The following SS18L2 variants were observed in gnomAD, a reference collection of about 807,000 sequenced individuals.
SS18L2 encodes SS18-like protein 2.
In SS18L2, 8 loss-of-function variants were observed where a neutral mutation model predicts 10.3. The observed-to-expected ratio is 0.78, with a 90% CI of 0.46 to 1.41. The LOEUF is 1.41. SS18L2 is among the 40% of genes most tolerant of loss of function. The pLI, the probability that SS18L2 is intolerant of heterozygous loss-of-function variation, is 0.00. For synonymous variants in SS18L2, 41 were observed against 34.6 expected (o/e 1.19, Z -0.65); for missense variants, 100 against 96.2 (o/e 1.04, Z -0.17).
chr3:42,585,310 C>T (rs1306340699), intron 1 of SS18L2, among the ~76,000 whole-genome samples: 24 of 152,158 alleles, frequency 1.6e-4, no homozygotes, highest in Admixed American at 1.4e-3. Context: ...AGTCCTAGCT[C>T]TCATCTCCAA....
At chr3:42,594,363 T>C in intron 2 of SS18L2, 59 bp from the exon 3 acceptor site, 1 of 1,385,674 alleles carries the variant, frequency 7.2e-7, no homozygotes, top group Non-Finnish European at 1.0e-6. Flanking sequence ...ATTTTCCAGT[T>C]TTTTGTTCAT....
chr3:42,592,976 G>T (rs1244978651), intron 2 of SS18L2, among the ~76,000 whole-genome samples: 2 of 152,072 alleles, frequency 1.3e-5, no homozygotes, highest in African/African-American at 4.8e-5. Context: ...CATGGGTTCT[G>T]CATTGCATTT....
chr3:42,586,886 C>T (rs1704629877), upstream of SS18L2, among the ~76,000 whole-genome samples: 2 of 152,174 alleles, frequency 1.3e-5, no homozygotes, highest in South Asian at 4.1e-4. Flanking sequence ...AATATATCAC[C>T]TTCATTTCCA....
chr3:42,591,015 C>T (rs1280984248), intron 1 of SS18L2, 49 bp downstream of exon 1: 3 of 1,547,832 alleles, frequency 1.9e-6, no homozygotes, highest in Non-Finnish European at 2.6e-6. Context: ...GTCGGGATCC[C>T]GAGGGGCTGC....
intron 2 of SS18L2, among the ~76,000 whole-genome samples, chr3:42,593,310 G>C (rs1376066156): frequency 6.6e-6 from 1 of 152,132 alleles, no homozygotes; most frequent in Non-Finnish European, 1.5e-5. Context: ...CCAGCTACTT[G>C]GGAGGCCGAG....
chr3:42,582,361 G>A (rs1482875248), intron 1 of SS18L2: 2 of 152,376 alleles, frequency 1.3e-5, no homozygotes. Flanking sequence ...TGCGGTCCGC[G>A]CGGCTGGGCG....
chr3:42,585,672 A>G (rs1704586693), intron 1 of SS18L2, among the ~76,000 whole-genome samples: 1 of 152,176 alleles, frequency 6.6e-6, no homozygotes, highest in African/African-American at 2.4e-5. Flanking sequence ...TCTTTCTGGC[A>G]TAACTAGAAG....
intron 1 of SS18L2, among the ~76,000 whole-genome samples, chr3:42,585,262 T>C (rs1704573278): frequency 6.6e-6 from 1 of 152,208 alleles, no homozygotes; most frequent in Non-Finnish European, 1.5e-5. Context: ...TCAGGCACCA[T>C]GGTAGATTGG....
chr3:42,588,219 T>C (rs181889376), upstream of SS18L2, among the ~76,000 whole-genome samples: 951 of 151,706 alleles, frequency 6.3e-3, 4 homozygotes, highest in Non-Finnish European at 9.0e-3. Context: ...CTGGCCAACA[T>C]AGAGAAACCC....
chr3:42,590,484 G>A (rs555955121), upstream of SS18L2, among the ~76,000 whole-genome samples: 4 of 152,140 alleles, frequency 2.6e-5, no homozygotes, highest in Non-Finnish European at 5.9e-5. Context: ...AAAATTAGAC[G>A]GGCGTGGTGG....
In SS18L2 at chr3:42,594,609, C is replaced by T. The variant is rs1704973396; in HGVS notation, c.*100C>T. 9.8e-7 allele frequency: 1 copy of T among 1,019,470 alleles called. No homozygotes were observed. The highest frequency in any genetic ancestry group is 2.0e-5 in the Admixed American group (1 of 50,570). The allele number at this position is 1,019,470 out of a possible 1,614,324, so 63.2% of individuals were successfully genotyped here. On this transcript the variant is annotated 3_prime_UTR_variant, in exon 3 of 3. Coordinates refer to ENST00000011691, the MANE Select transcript of SS18L2 (RefSeq NM_001370300.1). ...AATGGAGACAGGGTCTTTACCAACT[C>T]AACTGGTTAAAACATGAATGAAACC...
chr3:42,594,372 A>G (rs369184378), intron 2 of SS18L2, 50 bp from the exon 3 acceptor site: 6 of 1,463,320 alleles, frequency 4.1e-6, no homozygotes, highest in African/African-American at 1.4e-5. Context: ...TTTTTTGTTC[A>G]TGGTCGGTAA....
intron 2 of SS18L2, among the ~76,000 whole-genome samples, chr3:42,592,672 T>G (rs993927897): frequency 6.6e-6 from 1 of 152,208 alleles, no homozygotes; most frequent in South Asian, 2.1e-4. Context: ...ATTTGGTAAT[T>G]TGATTTTTAA....
At chr3:42,591,699 C>A in intron 2 of SS18L2, 98 bp downstream of exon 2, 16 of 857,458 alleles carry the variant, frequency 1.9e-5, no homozygotes, top group Non-Finnish European at 2.0e-6. Flanking sequence ...TGATTGATCG[C>A]AGTTAAGCCC....
chr3:42,596,373 C>G lies in SS18L2; in HGVS notation c.*1864C>G, dbSNP rs1705030495. Among the ~76,000 whole-genome samples the G allele has an allele frequency of 6.6e-6, 1 of 152,198 alleles. No individual in the cohort carries two copies. The stretch of plus-strand genomic sequence containing the variant: ...TTTTGTCTGTTTCCCCACTAGCATT[C>G]CTGATGGTTTTCCAGAGTCCTATCC... On this transcript the variant is annotated 3_prime_UTR_variant, in exon 3 of 3. Transcript: ENST00000011691.
chr3:42,588,819 C>T (rs921816441), upstream of SS18L2, among the ~76,000 whole-genome samples: 10 of 152,090 alleles, frequency 6.6e-5, no homozygotes, highest in African/African-American at 2.4e-4. Context: ...CTTTTCTGCC[C>T]ACTCTGTGTC....
At chr3:42,590,720 G>T, upstream of SS18L2, 1 of 698,218 alleles carries the variant, frequency 1.4e-6, no homozygotes, top group East Asian at 2.6e-5. Context: ...CGCCCCCGGC[G>T]TTCTGGGGGC....
intron 1 of SS18L2, 115 bp from the exon 2 acceptor site, chr3:42,591,410 G>A: frequency 1.3e-6 from 1 of 762,888 alleles, no homozygotes; most frequent in Non-Finnish European, 2.3e-6. Context: ...GGCCAGGCTA[G>A]TCTCGAACTC....
upstream of SS18L2, chr3:42,590,859 C>A (rs989792933): frequency 1.9e-6 from 3 of 1,609,148 alleles, no homozygotes; most frequent in Non-Finnish European, 1.7e-6. Context: ...TATCGTGGGT[C>A]GAGTTGCTTG....
Sources: gnomAD v4.1 joint callset for allele counts (sites outside exome capture counted in the v4.1 genomes callset) on GRCh38, gnomAD v4.1.1 for gene constraint, MANE v1.5 for transcripts, NCBI Gene and HGNC (gene_info 2026-07-23, HGNC 2026-07-21) for gene names.